Variants in PHC3 observed in about 807,000 individuals in gnomAD.
The protein encoded by PHC3 is polyhomeotic homolog 3, also known as polyhomeotic-like protein 3.
PHC3 carries 13 observed loss-of-function variants against 107.4 expected under a neutral mutation model. The observed-to-expected ratio is 0.12, with a 90% CI of 0.08 to 0.19. The LOEUF (loss-of-function observed/expected upper bound fraction) is 0.19. Among genes scored for constraint, PHC3 ranks in the 10% least tolerant of loss-of-function variants. The probability of loss-of-function intolerance (pLI) is 1.00; values close to 1 mark genes in which losing one functional copy is unlikely to be tolerated. For missense variants in PHC3, 992 were observed against 1,210.9 expected (o/e 0.82, Z 2.68); for synonymous variants, 456 against 427.4 (o/e 1.07, Z -0.83).
chr3:170,102,627 G>C lies in PHC3; in HGVS notation c.2685C>G (p.Arg895=), dbSNP rs770217904. The part of the protein sequence containing the change: ...SVPSAMTTRL[R]RQSERERERE... ...GTTCTCTTTCCCGCTCGCTCTGCCTGCGCAGACGAGTTGTCATAGCAGATG... is the reference window on the plus strand; with the variant it reads ...GTTCTCTTTCCCGCTCGCTCTGCCTCCGCAGACGAGTTGTCATAGCAGATG... The change falls in exon 14 of 15, where the codon CGC becomes CGG. Residue 895 remains arginine (R), a synonymous_variant. Coordinates refer to ENST00000495893, the MANE Select transcript of PHC3 (RefSeq NM_024947.4). 1.2e-6 allele frequency: 2 copies of C among 1,613,982 alleles called. No homozygotes were observed. Among genetic ancestry groups the C allele is most frequent in the Non-Finnish European group, 1.7e-6 (2 of 1,179,868 alleles).
Position 170,095,094 on chromosome 3 carries a change from G to A in PHC3, c.*2136C>T, listed in dbSNP as rs911370640. On this transcript the variant is annotated 3_prime_UTR_variant, in exon 15 of 15. Coordinates refer to ENST00000495893, the MANE Select transcript of PHC3 (RefSeq NM_024947.4). ...TGCACCTCTCTCTCTCATACTGTGG[G>A]CCATCTCTTACTAATGCTTAGCCTG... 11 of 152,030 alleles carry A rather than the reference G, an allele frequency of 7.2e-5. No homozygotes were observed. The highest frequency in any genetic ancestry group is 2.7e-4 in the African/African-American group (11 of 41,410). The allele number at this position is 152,030 out of a possible 1,614,324, so 9.4% of individuals were successfully genotyped here. A position where few individuals can be genotyped will look rare whatever the true frequency, so the allele number is the denominator to read the frequency against.
At chr3:170,117,950 C>A (rs2108382349) in intron 9 of PHC3, among the ~76,000 whole-genome samples, 1 of 152,146 alleles carries the variant, frequency 6.6e-6, no homozygotes, top group South Asian at 2.1e-4. Context: ...GAGGCGGAGG[C>A]TGCAGTGAGC....
At chr3:170,112,396 T>TATA (rs1491281150) in intron 11 of PHC3, among the ~76,000 whole-genome samples, 7 of 47,750 alleles carry the variant, frequency 1.5e-4, no homozygotes, top group African/African-American at 5.9e-4. Flanking sequence ...TATATATATA[T>TATA]TTTTTTTTAG....
intron 8 of PHC3, among the ~76,000 whole-genome samples, chr3:170,126,528 A>ATATATATATATATATATAT (rs370421296): frequency 1.1e-4 from 10 of 90,614 alleles, no homozygotes; most frequent in African/African-American, 4.5e-4. Flanking sequence ...ATATATATAT[A>ATATATATATATATATATAT]TTTTTTTTTT....
At position 170,117,319 on chromosome 3, in the gene PHC3, T is replaced by C. The variant is rs761075295; in HGVS notation, c.2100A>G (p.Ile700Met). ...CAATAGCCTGTGGAGGTTTGTTCTC[T>C]ATACTGGGAATGCTACTGTGCATAG... ...STSMHSSIPS[I>M]ENKPPQAIVK... The change falls in exon 10 of 15, where the codon ATA (isoleucine) becomes ATG (methionine). Residue 700 changes from isoleucine to methionine, a missense_variant. Transcript: ENST00000495893. 1.2e-6 allele frequency: 2 copies of C among 1,613,998 alleles called. No individual in the cohort carries two copies. Among genetic ancestry groups the C allele is most frequent in the East Asian group, 4.5e-5 (2 of 44,866 alleles).
intron 8 of PHC3, among the ~76,000 whole-genome samples, chr3:170,126,528 A>ATATATATATATT (rs370421296): frequency 7.7e-5 from 7 of 90,622 alleles, no homozygotes; most frequent in African/African-American, 3.1e-4. Context: ...ATATATATAT[A>ATATATATATATT]TTTTTTTTTT....
At chr3:170,171,300 T>C (rs1474332508) in intron 4 of PHC3, 73 bp downstream of exon 4, 1 of 1,068,666 alleles carries the variant, frequency 9.4e-7, no homozygotes, top group Non-Finnish European at 1.4e-6. Context: ...GCTTCATAAA[T>C]AACAACAGTT....
chr3:170,128,730 G>C lies in PHC3; in HGVS notation c.1742C>G (p.Ala581Gly), dbSNP rs760815119. The C allele has an allele frequency of 4.3e-6, 7 of 1,614,040 alleles. No individual in the cohort carries two copies. Among genetic ancestry groups the C allele is most frequent in the East Asian group, 2.2e-5 (1 of 44,886 alleles). The change falls in exon 8 of 15, where the codon GCG (alanine) becomes GGG (glycine). Residue 581 changes from alanine (A) to glycine (G), a missense_variant. By Grantham distance (60) the Ala-to-Gly change is moderately conservative. Around this residue, in one of 6 missense-constraint regions of PHC3, gnomAD observed 543 missense variants for 590.8 expected, o/e 0.92. Coordinates refer to ENST00000495893, the MANE Select transcript of PHC3 (RefSeq NM_024947.4). The part of the protein sequence containing the change: ...FQTLPPPQTV[A>G]VNLQVQPPAP... ...TGGTGGTTGCACTTGTAGGTTTACC[G>C]CAACAGTCTGTGGAGGAGGAAGAGT...
intron 4 of PHC3, among the ~76,000 whole-genome samples, chr3:170,163,405 G>A (rs1577228706): frequency 6.6e-6 from 1 of 151,684 alleles, no homozygotes; most frequent in African/African-American, 2.4e-5. Flanking sequence ...ACTTATGATT[G>A]TAGTTTTCAG....
intron 12 of PHC3, 132 bp from the exon 13 acceptor site, chr3:170,103,066 T>A (rs1715784486): frequency 1.1e-6 from 1 of 910,030 alleles, no homozygotes; most frequent in Non-Finnish European, 1.7e-6. Flanking sequence ...TAAGACCTCA[T>A]AAAGTAACTA....
chr3:170,161,688 A>G (rs1397286744), intron 4 of PHC3, among the ~76,000 whole-genome samples: 1 of 152,172 alleles, frequency 6.6e-6, no homozygotes, highest in East Asian at 1.9e-4. Flanking sequence ...AACAACAGAA[A>G]TTTATTTTGC....
intron 4 of PHC3, among the ~76,000 whole-genome samples, chr3:170,159,533 C>T (rs2108660347): frequency 6.6e-6 from 1 of 152,200 alleles, no homozygotes; most frequent in Non-Finnish European, 1.5e-5. Flanking sequence ...CAACCAAGAG[C>T]TCCAGAAAGA....
rs1314201221 is a variant in PHC3 at position 170,088,721 on chromosome 3, A to G, written c.*8509T>C. ...ACACTTTAAAAATTAAAACACTTGA[A>G]AAGTATTTTTTAAACCAGTACCATG... On this transcript the variant is annotated 3_prime_UTR_variant, in exon 15 of 15. Coordinates refer to ENST00000495893, the MANE Select transcript of PHC3 (RefSeq NM_024947.4). 10 of 152,364 alleles carry G rather than the reference A, an allele frequency of 6.6e-5. No homozygotes were observed. In the East Asian group the frequency reaches 1.7e-3, roughly 26 times the overall value. The allele number at this position is 152,364 out of a possible 1,614,324, so 9.4% of individuals were successfully genotyped here.
chr3:170,136,428 T>C lies in PHC3; in HGVS notation c.910A>G (p.Ile304Val), dbSNP rs781775359. The part of the protein sequence containing the change: ...VTRTSSIHQL[I>V]APASYSPIQP... ...AAAAGTTTTATCCCACCTGGTGCTA[T>C]TAACTGGTGAATACTTGATGTCCGG... Residue 304 changes from isoleucine (I) to valine (V), a missense_variant, in exon 7 of 15, where the codon ATA becomes GTA. This residue lies in a region of PHC3 where 543 missense variants were observed against 590.8 expected (regional missense o/e 0.92). Transcript: ENST00000495893. 1.2e-6 allele frequency: 2 copies of C among 1,609,956 alleles called. No individual in the cohort carries two copies. Among genetic ancestry groups the C allele is most frequent in the Non-Finnish European group, 1.7e-6 (2 of 1,178,694 alleles).
chr3:170,163,861 CAAAAAAAAAAA>C (rs200514068), intron 4 of PHC3, among the ~76,000 whole-genome samples: 1,261 of 85,126 alleles, frequency 0.015, 32 homozygotes, highest in African/African-American at 0.055. Flanking sequence ...AGACTCTGTC[CAAAAAAAAAAA>C]AAAAAAAAAA....
Position 170,088,832 on chromosome 3 carries a change from T to C in PHC3, c.*8398A>G, listed in dbSNP as rs1282598516. 6.6e-6 allele frequency: 1 copy of C among 152,266 alleles called. No homozygotes were observed. The highest frequency in any genetic ancestry group is 2.4e-5 in the African/African-American group (1 of 41,458). The allele number at this position is 152,266 out of a possible 1,614,324, so 9.4% of individuals were successfully genotyped here. On this transcript the variant is annotated 3_prime_UTR_variant, in exon 15 of 15. Transcript: ENST00000495893. ...TTAGTTTGAAAGATTCTAATATAGA[T>C]TCTAACCCAACAGTTTATATGGATA...
chr3:170,178,411 G>A (rs544370709), intron 2 of PHC3, among the ~76,000 whole-genome samples: 26 of 152,258 alleles, frequency 1.7e-4, no homozygotes, highest in South Asian at 8.3e-4. Flanking sequence ...GATTACAGGC[G>A]TGAGCCACCG....
intron 11 of PHC3, among the ~76,000 whole-genome samples, chr3:170,111,329 C>A (rs1474001816): frequency 3.2e-4 from 29 of 91,436 alleles, no homozygotes; most frequent in Admixed American, 8.3e-4. Context: ...AACGAACGAA[C>A]GAAAGAACAA....
chr3:170,126,666 C>T (rs1427012808), intron 8 of PHC3, among the ~76,000 whole-genome samples: 2 of 151,422 alleles, frequency 1.3e-5, no homozygotes, highest in East Asian at 3.9e-4. Flanking sequence ...CTATGTCTCC[C>T]AAGTAGCTGG....
Sources: allele counts gnomAD v4.1 joint callset (sites outside exome capture counted in the v4.1 genomes callset), GRCh38; gene constraint gnomAD v4.1.1; regional missense constraint gnomAD v4.1.1; transcripts MANE v1.5; gene names NCBI Gene and HGNC (gene_info 2026-07-23, HGNC 2026-07-21).